The following PPP1CB variants were observed in gnomAD, a reference collection of about 807,000 sequenced individuals.
PPP1CB encodes protein phosphatase 1 catalytic subunit beta, also known as serine/threonine-protein phosphatase PP1-beta catalytic subunit.
PPP1CB carries 2 observed loss-of-function variants against 43.7 expected under a neutral mutation model. The observed-to-expected ratio is 0.05, with a 90% CI of 0.02 to 0.14. The LOEUF is 0.14. Ranked by LOEUF, PPP1CB falls within the 10% of genes least tolerant of loss-of-function variation. The pLI, the probability that PPP1CB is intolerant of heterozygous loss-of-function variation, is 1.00. For synonymous variants in PPP1CB, 136 were observed against 135.6 expected (o/e 1.00, Z -0.02); for missense variants, 84 against 398.0 (o/e 0.21, Z 6.71).
intron 1 of PPP1CB, among the ~76,000 whole-genome samples, chr2:28,756,276 A>G (rs906542997): frequency 6.6e-6 from 1 of 152,252 alleles, no homozygotes; most frequent in African/African-American, 2.4e-5. Context: ...GTAAAGTTCC[A>G]TAGCAAAATG....
chr2:28,789,734 G>A (rs1395161386), intron 6 of PPP1CB, among the ~76,000 whole-genome samples: 1 of 150,282 alleles, frequency 6.7e-6, no homozygotes, highest in Non-Finnish European at 1.5e-5. Context: ...GAGCAGCTGG[G>A]ATTACAGGCA....
intron 1 of PPP1CB, among the ~76,000 whole-genome samples, chr2:28,774,097 A>T (rs1354591994): frequency 6.6e-6 from 1 of 152,226 alleles, no homozygotes; most frequent in Non-Finnish European, 1.5e-5. Context: ...GAAGCACTTT[A>T]TAGTTCTGTA....
At chr2:28,783,838 T>C (rs1572462384) in intron 4 of PPP1CB, 69 bp from the exon 5 acceptor site, 1 of 1,054,306 alleles carries the variant, frequency 9.5e-7, no homozygotes, top group East Asian at 2.4e-5. Flanking sequence ...TAAATGCTTT[T>C]TATTCGGTGA....
intron 1 of PPP1CB, among the ~76,000 whole-genome samples, chr2:28,773,292 A>T (rs1406587307): frequency 6.6e-6 from 1 of 152,152 alleles, no homozygotes; most frequent in Non-Finnish European, 1.5e-5. Flanking sequence ...AATTTCTAGG[A>T]AATTTTTGAT....
intron 1 of PPP1CB, among the ~76,000 whole-genome samples, chr2:28,754,952 A>T (rs1450754677): frequency 6.6e-6 from 1 of 152,222 alleles, no homozygotes; most frequent in Non-Finnish European, 1.5e-5. Flanking sequence ...TTACTGTATT[A>T]AATCGCAGAT....
chr2:28,796,807 T>C (rs1423197342), intron 7 of PPP1CB, among the ~76,000 whole-genome samples: 2 of 152,178 alleles, frequency 1.3e-5, no homozygotes, highest in African/African-American at 4.8e-5. Flanking sequence ...CTTTCAGTAC[T>C]CTGTTGAATA....
rs1315678060 is a variant in PPP1CB at position 28,752,104 on chromosome 2, A to C, written c.-21A>C. On this transcript the variant is annotated 5_prime_UTR_variant, in exon 1 of 8. Coordinates refer to ENST00000395366, the MANE Select transcript of PPP1CB (RefSeq NM_002709.3). The stretch of plus-strand genomic sequence containing the variant: ...GAAGCCCTTGTTCCCGCTGCTGGGA[A>C]GGAGAGTCTGTGCCGACAAGATGGC... 3.9e-6 allele frequency: 6 copies of C among 1,549,224 alleles called. No individual in the cohort carries two copies. The highest frequency in any genetic ancestry group is 4.4e-6 in the Non-Finnish European group (5 of 1,145,504).
At chr2:28,778,611 G>T in intron 2 of PPP1CB, 198 bp from the exon 3 acceptor site, 1 of 571,082 alleles carries the variant, frequency 1.8e-6, no homozygotes. Flanking sequence ...CAAGCAAGAT[G>T]AAAGTCACAG....
intron 1 of PPP1CB, among the ~76,000 whole-genome samples, chr2:28,775,850 A>C (rs962966782): frequency 2.6e-5 from 4 of 152,170 alleles, no homozygotes; most frequent in Admixed American, 2.0e-4. Context: ...GTTCCCCTTC[A>C]TCCCACAAGT....
rs200836202 is a variant in PPP1CB at position 28,781,849 on chromosome 2, T to C, written c.520+7T>C. ...ATCTTCTGTTGTCATGGAGGTAGACTAGTAAATTTGCCTTACAGATTTTTT... is the reference window on the plus strand; with the variant it reads ...ATCTTCTGTTGTCATGGAGGTAGACCAGTAAATTTGCCTTACAGATTTTTT... On this transcript the variant is annotated splice_region_variant and intron_variant, in intron 4 of 7. Transcript: ENST00000395366. 369 of 1,596,994 alleles carry C rather than the reference T, an allele frequency of 2.3e-4. 2 individuals carry two copies. Among genetic ancestry groups the C allele is most frequent in the Admixed American group, 3.2e-4 (19 of 59,790 alleles).
chr2:28,757,660 T>C (rs1666525237), intron 1 of PPP1CB, among the ~76,000 whole-genome samples: 1 of 152,192 alleles, frequency 6.6e-6, no homozygotes, highest in Admixed American at 6.5e-5. Context: ...TTTTATCTCC[T>C]TGATTCTTCT....
chr2:28,791,366 T>G (rs1211924773), intron 6 of PPP1CB, among the ~76,000 whole-genome samples: 1 of 152,154 alleles, frequency 6.6e-6, no homozygotes, highest in Non-Finnish European at 1.5e-5. Context: ...AGTCTCACAC[T>G]GTTTCCCGGG....
chr2:28,766,211 C>T (rs1666774370), intron 1 of PPP1CB, among the ~76,000 whole-genome samples: 1 of 152,128 alleles, frequency 6.6e-6, no homozygotes. Context: ...GCCCTGAATG[C>T]AAATAAATTA....
At position 28,800,944 on chromosome 2, in the gene PPP1CB, C is replaced by A. The variant is rs1667602691; in HGVS notation, c.*1641C>A. Reference sequence around the variant, plus strand: ...TCATTTTCAGCACAGTGCAAAAGTTCTTTAAAATGCATATGTCTTTTTTTC... The same window carrying A: ...TCATTTTCAGCACAGTGCAAAAGTTATTTAAAATGCATATGTCTTTTTTTC... On this transcript the variant is annotated 3_prime_UTR_variant, in exon 8 of 8. Coordinates refer to ENST00000395366, the MANE Select transcript of PPP1CB (RefSeq NM_002709.3). The A allele has an allele frequency of 1.3e-5, 2 of 152,448 alleles. No homozygotes were observed. The highest frequency in any genetic ancestry group is 2.9e-5 in the Non-Finnish European group (2 of 67,906). 9.4% of individuals were successfully genotyped at this position (152,448 alleles called of 1,614,324 possible).
chr2:28,777,162 T>C, intron 2 of PPP1CB, 180 bp downstream of exon 2: 1 of 511,190 alleles, frequency 2.0e-6, no homozygotes, highest in East Asian at 3.4e-5. Context: ...AAGATGAAAA[T>C]ACTTGCTATA....
chr2:28,793,110 G>A (rs925950803), intron 6 of PPP1CB, among the ~76,000 whole-genome samples: 1 of 152,138 alleles, frequency 6.6e-6, no homozygotes, highest in East Asian at 1.9e-4. Context: ...GGAGGCTGAG[G>A]CAGGAGAATG....
At chr2:28,762,402 C>G (rs1666676749) in intron 1 of PPP1CB, among the ~76,000 whole-genome samples, 1 of 152,168 alleles carries the variant, frequency 6.6e-6, no homozygotes, top group Non-Finnish European at 1.5e-5. Flanking sequence ...TCATTTTATG[C>G]AAATCTAATG....
intron 6 of PPP1CB, among the ~76,000 whole-genome samples, chr2:28,789,359 T>C (rs570632768): frequency 6.6e-6 from 1 of 151,592 alleles, no homozygotes; most frequent in Admixed American, 6.6e-5. Context: ...AAATCAAAAA[T>C]TTAGCTGGGT....
At chr2:28,770,412 A>G (rs1275868845) in intron 1 of PPP1CB, among the ~76,000 whole-genome samples, 2 of 151,066 alleles carry the variant, frequency 1.3e-5, no homozygotes, top group African/African-American at 2.4e-5. Context: ...GGGGGAGACG[A>G]TATCATGCAC....
Sources: gnomAD v4.1 joint callset for allele counts (sites outside exome capture counted in the v4.1 genomes callset) on GRCh38, gnomAD v4.1.1 for gene constraint, MANE v1.5 for transcripts, NCBI Gene and HGNC (gene_info 2026-07-23, HGNC 2026-07-21) for gene names.